The following CPT2 variants were observed in gnomAD, a reference collection of about 807,000 sequenced individuals.
CPT2 encodes the protein carnitine palmitoyltransferase 2, also known as carnitine O-palmitoyltransferase 2, mitochondrial.
A neutral mutation model predicts 48.6 loss-of-function variants in CPT2; 37 were observed. That is an observed-to-expected ratio of 0.76 (90% confidence interval 0.59 to 1.00). The LOEUF is 1.00. Ranked by LOEUF, CPT2 falls within the 50% of genes least tolerant of loss-of-function variation. The pLI is 0.00. For missense variants in CPT2, 772 were observed against 825.6 expected (o/e 0.94, Z 0.80); for synonymous variants, 319 against 326.9 (o/e 0.98, Z 0.26).
intron 3 of CPT2, chr1:53,208,477 T>G (rs1023372286): frequency 2.0e-5 from 3 of 152,266 alleles, no homozygotes; most frequent in Non-Finnish European, 2.9e-5. Context: ...CTTCTGGAAT[T>G]TTTACAGGTA....
Position 53,213,663 on chromosome 1 carries a change from T to C in CPT2, c.*68T>C. The stretch of plus-strand genomic sequence containing the variant: ...AAACTGGGAGGCCGGGCATGGTGGC[T>C]CATGCCTGTAATCCCAGCATTTTGA... On this transcript the variant is annotated 3_prime_UTR_variant, in exon 5 of 5. Transcript: ENST00000371486. The C allele has an allele frequency of 1.4e-6, 2 of 1,385,414 alleles. No individual in the cohort carries two copies. The highest frequency in any genetic ancestry group is 2.0e-6 in the Non-Finnish European group (2 of 996,466). The allele number at this position is 1,385,414 out of a possible 1,614,324, so 85.8% of individuals were successfully genotyped here.
At position 53,202,316 on chromosome 1, in the gene CPT2, G is replaced by A. The variant is rs1260976720; in HGVS notation, c.234-7G>A. 10 of 1,608,216 alleles carry A rather than the reference G, an allele frequency of 6.2e-6. No individual in the cohort carries two copies. Among genetic ancestry groups the A allele is most frequent in the Non-Finnish European group, 8.5e-6 (10 of 1,174,746 alleles). ...GGTTTGATTTTGTCTTTTCTTGAAT[G>A]TTTTAGGAAAACAGAACAATTTTGC... On this transcript the variant is annotated splice_region_variant and splice_polypyrimidine_tract_variant and intron_variant, in intron 2 of 4. Coordinates refer to ENST00000371486, the MANE Select transcript of CPT2 (RefSeq NM_000098.3).
chr1:53,203,142 C>A (rs546872875), intron 3 of CPT2: 1 of 152,600 alleles, frequency 6.6e-6, no homozygotes, highest in Admixed American at 6.5e-5. Flanking sequence ...GCTCCTAAAT[C>A]TTTTGTTATA....
intron 4 of CPT2, 62 bp downstream of exon 4, chr1:53,211,381 T>A: frequency 7.0e-7 from 1 of 1,420,040 alleles, no homozygotes; most frequent in Non-Finnish European, 9.6e-7. Flanking sequence ...TAAGCAAGCC[T>A]AAATCATTCT....
At chr1:53,202,750 G>C (rs1438763197) in intron 3 of CPT2, 1 of 373,876 alleles carries the variant, frequency 2.7e-6, no homozygotes, top group Non-Finnish European at 5.1e-6. Context: ...TTCACTGTCA[G>C]ACAGAACTGT....
rs917744011 is a variant in CPT2 at position 53,197,040 on chromosome 1, CA to C, written c.98del (p.Gln33ArgfsTer40). 1.0e-5 allele frequency: 16 copies of C among 1,538,348 alleles called. No homozygotes were observed. The Admixed American group carries it at 1.6e-4, about 15-fold the overall frequency. ...CCTCAGCGCCGGCTCCGGGCCCGGC[CA>C]GTACCTGCAGCGCAGCATCGTGCCC... ...RPLSAGSGPG[Q>X]YLQRSIVPTM... On this transcript the variant is annotated frameshift_variant, in exon 1 of 5. Transcript: ENST00000371486. LOFTEE classifies it high-confidence loss of function.
In CPT2 at chr1:53,202,304, C is replaced by T; in HGVS notation, c.234-19C>T. On this transcript the variant is annotated intron_variant, in intron 2 of 4. Transcript: ENST00000371486. Reference sequence around the variant, plus strand: ...ATTCCCTACCATGGTTTGATTTTGTCTTTTCTTGAATGTTTTAGGAAAACA... The same window carrying T: ...ATTCCCTACCATGGTTTGATTTTGTTTTTTCTTGAATGTTTTAGGAAAACA... 1 of 1,594,744 alleles carries T rather than the reference C, an allele frequency of 6.3e-7. No individual in the cohort carries two copies. The highest frequency in any genetic ancestry group is 8.6e-7 in the Non-Finnish European group (1 of 1,162,440).
intron 1 of CPT2, among the ~76,000 whole-genome samples, chr1:53,197,745 C>T (rs75700257): frequency 6.6e-6 from 1 of 152,168 alleles, no homozygotes; most frequent in East Asian, 1.9e-4. Context: ...GGAAACCTTT[C>T]ACTCTCTCCA....
rs752317041 is a variant in CPT2 at position 53,213,315 on chromosome 1, A to G, written c.1697A>G (p.Lys566Arg). ...GCTCTGCGGCATCTGGCAGCAGCCA[A>G]AGGGATCATCTTGCCTGAGCTCTAC... is the stretch of plus-strand genomic sequence containing the variant. ...LFALRHLAAA[K>R]GIILPELYLD... Residue 566 changes from lysine to arginine, a missense_variant, in exon 5 of 5, where the codon AAA becomes AGA. By Grantham distance (26) the Lys-to-Arg change is conservative. Coordinates refer to ENST00000371486, the MANE Select transcript of CPT2 (RefSeq NM_000098.3). 6.2e-7 allele frequency: 1 copy of G among 1,614,190 alleles called. No homozygotes were observed. Among genetic ancestry groups the G allele is most frequent in the South Asian group, 1.1e-5 (1 of 91,088 alleles).
Position 53,210,531 on chromosome 1 carries a change from T to C in CPT2, c.857T>C (p.Phe286Ser). Residue 286 changes from phenylalanine (F) to serine (S), a missense_variant, in exon 4 of 5, where the codon TTT (phenylalanine) becomes TCT (serine). Phe to Ser is a radical substitution (Grantham distance 155, BLOSUM62 -2). Coordinates refer to ENST00000371486, the MANE Select transcript of CPT2 (RefSeq NM_000098.3). ...ILSDSSPAPE[F>S]PLAYLTSENR... The stretch of plus-strand genomic sequence containing the variant: ...TCAGACAGCAGCCCCGCCCCCGAGT[T>C]TCCCCTGGCATACCTGACCAGTGAG... The C allele has an allele frequency of 6.2e-7, 1 of 1,614,116 alleles. No homozygotes were observed. Among genetic ancestry groups the C allele is most frequent in the South Asian group, 1.1e-5 (1 of 91,080 alleles).
chr1:53,212,810 A>G (rs572489683), intron 4 of CPT2: 1 of 423,774 alleles, frequency 2.4e-6, no homozygotes. Flanking sequence ...GCCCCGTTAC[A>G]CAGCAAGTTA....
intron 3 of CPT2, chr1:53,209,436 C>A: frequency 6.4e-6 from 1 of 156,012 alleles, no homozygotes; most frequent in South Asian, 1.9e-4. Context: ...AGTGGATAAA[C>A]AAAATATAGT....
At position 53,197,017 on chromosome 1, in the gene CPT2, TC is replaced by T. The variant is rs1057517493; in HGVS notation, c.75del (p.Ser26AlafsTer47). 3 of 1,535,208 alleles carry T rather than the reference TC, an allele frequency of 2.0e-6. No individual in the cohort carries two copies. The African/African-American group carries it at 4.1e-5, about 21-fold the overall frequency. Reference sequence around the variant, plus strand: ...GGTCCGGGAGCCCCCAGTCGGCCCCTCAGCGCCGGCTCCGGGCCCGGCCAGT... The same window carrying T: ...GGTCCGGGAGCCCCCAGTCGGCCCCTAGCGCCGGCTCCGGGCCCGGCCAGT... ...AVGPGAPSRP[L>X]SAGSGPGQYL... On this transcript the variant is annotated frameshift_variant, in exon 1 of 5. Coordinates refer to ENST00000371486, the MANE Select transcript of CPT2 (RefSeq NM_000098.3). LOFTEE classifies it high-confidence loss of function.
In CPT2 at chr1:53,210,917, C is replaced by G; in HGVS notation, c.1243C>G (p.Leu415Val). 1 of 1,614,212 alleles carries G rather than the reference C, an allele frequency of 6.2e-7. No individual in the cohort carries two copies. The highest frequency in any genetic ancestry group is 8.5e-7 in the Non-Finnish European group (1 of 1,180,042). ...TGACTCTACTGTCACGGTGCAGAAA[C>G]TCAACTTCGAGCTGACTGATGCCTT... ...TTDSTVTVQK[L>V]NFELTDALKT... The change falls in exon 4 of 5, where the codon CTC (leucine) becomes GTC (valine). Residue 415 changes from leucine to valine, a missense_variant. Coordinates refer to ENST00000371486, the MANE Select transcript of CPT2 (RefSeq NM_000098.3).
chr1:53,213,803 C>A lies in CPT2; in HGVS notation c.*208C>A, dbSNP rs1303608360. On this transcript the variant is annotated 3_prime_UTR_variant, in exon 5 of 5. Transcript: ENST00000371486. ...AATTAGCTGGGTGTGGTGGCATGTG[C>A]CTATAATCCCAGCTACTTGGGAGGT... 2 of 536,748 alleles carry A rather than the reference C, an allele frequency of 3.7e-6. No individual in the cohort carries two copies. Among genetic ancestry groups the A allele is most frequent in the East Asian group, 6.8e-5 (2 of 29,320 alleles). 33.2% of individuals were successfully genotyped at this position (536,748 alleles called of 1,614,324 possible).
chr1:53,203,502 G>A (rs2100263245), intron 3 of CPT2: 1 of 152,214 alleles, frequency 6.6e-6, no homozygotes, highest in South Asian at 2.1e-4. Context: ...AGTTTTCTAT[G>A]TGCTTACTAA....
chr1:53,208,906 G>A (rs1010324047), intron 3 of CPT2: 1 of 152,238 alleles, frequency 6.6e-6, no homozygotes, highest in Non-Finnish European at 1.5e-5. Context: ...TGAGGATGTG[G>A]AAAAATTGGA....
chr1:53,211,608 T>C lies in CPT2; in HGVS notation c.1645+289T>C, dbSNP rs1464798893. ...TTAATTCTTTTTTCTTTCTTTTTTT[T>C]TTTTTTTTTTGGAGACAAGAGTTTC... On this transcript the variant is annotated intron_variant, in intron 4 of 4. Transcript: ENST00000371486. 4 of 245,282 alleles carry C rather than the reference T, an allele frequency of 1.6e-5. No homozygotes were observed. In the South Asian group the frequency reaches 2.2e-4, roughly 14 times the overall value. 15.2% of individuals were successfully genotyped at this position (245,282 alleles called of 1,614,324 possible).
chr1:53,211,109 T>C lies in CPT2; in HGVS notation c.1435T>C (p.Tyr479His). The C allele has an allele frequency of 6.2e-7, 1 of 1,614,136 alleles. No homozygotes were observed. Among genetic ancestry groups the C allele is most frequent in the Non-Finnish European group, 8.5e-7 (1 of 1,180,010 alleles). ...LAFQMAFLRQ[Y>H]GQTVATYESC... The stretch of plus-strand genomic sequence containing the variant: ...ATTCCAGATGGCCTTCCTGCGGCAG[T>C]ACGGGCAGACAGTGGCCACCTACGA... Residue 479 changes from tyrosine (Y) to histidine (H), a missense_variant, in exon 4 of 5, where the codon TAC becomes CAC. Physicochemically the swap from Tyr to His is moderately conservative, Grantham distance 83 (BLOSUM62 2). Coordinates refer to ENST00000371486, the MANE Select transcript of CPT2 (RefSeq NM_000098.3).
Sources: gnomAD v4.1 joint callset for allele counts (sites outside exome capture counted in the v4.1 genomes callset) on GRCh38, gnomAD v4.1.1 for gene constraint, MANE v1.5 for transcripts, NCBI Gene and HGNC (gene_info 2026-07-23, HGNC 2026-07-21) for gene names.